Variants in HIVEP3 observed in about 807,000 individuals in gnomAD.
HIVEP3 encodes transcription factor HIVEP3.
A neutral mutation model predicts 152.8 loss-of-function variants in HIVEP3; 49 were observed. The ratio of observed to expected loss-of-function variants is 0.32; its 90% CI spans 0.26 to 0.41. The LOEUF is 0.41. Among genes scored for constraint, HIVEP3 ranks in the 10% least tolerant of loss-of-function variants. The pLI is 1.00. For synonymous variants in HIVEP3, 1,269 were observed against 1,289.0 expected (o/e 0.98, Z 0.33); for missense variants, 2,790 against 3,103.3 (o/e 0.90, Z 2.40).
At chr1:41,708,239 C>T (rs749023578) in intron 1 of HIVEP3, among the ~76,000 whole-genome samples, 9 of 152,200 alleles carry the variant, frequency 5.9e-5, no homozygotes, top group African/African-American at 1.2e-4. Flanking sequence ...ACATCGTTTA[C>T]CTCCACATGG....
chr1:41,924,848 T>C (rs1219593394), intron 1 of HIVEP3, among the ~76,000 whole-genome samples: 1 of 152,240 alleles, frequency 6.6e-6, no homozygotes, highest in Non-Finnish European at 1.5e-5. Context: ...ACCACCTGAA[T>C]GTCCTTCAAA....
intron 1 of HIVEP3, among the ~76,000 whole-genome samples, chr1:42,002,848 C>T (rs1223205839): frequency 6.6e-6 from 1 of 152,082 alleles, no homozygotes; most frequent in Non-Finnish European, 1.5e-5. Context: ...GTCCCCTTTC[C>T]ACTGGGGGAA....
rs1406131584 is a variant in HIVEP3 at position 41,911,003 on chromosome 1, TGATAA to T, written c.-801+7405_-801+7409del. ...AAATGTTCAATGATAAAGGAAAGATTGATAAATTTTATTACATTGAAATTAAGAAT... is the reference window on the plus strand; with the variant it reads ...AAATGTTCAATGATAAAGGAAAGATTATTTTATTACATTGAAATTAAGAAT... On this transcript the variant is annotated intron_variant, in intron 1 of 8. Coordinates refer to ENST00000372583, the MANE Select transcript of HIVEP3 (RefSeq NM_024503.5). Among the ~76,000 whole-genome samples the T allele has an allele frequency of 3.3e-5, 5 of 152,174 alleles. No homozygotes were observed. The East Asian group carries it at 9.6e-4, about 29-fold the overall frequency.
chr1:41,842,717 C>G (rs1216313644), intron 1 of HIVEP3, among the ~76,000 whole-genome samples: 3 of 152,222 alleles, frequency 2.0e-5, no homozygotes, highest in Non-Finnish European at 4.4e-5. Context: ...AGCATTCTTT[C>G]TCATCCCTCG....
At chr1:41,913,573 T>C (rs1454859625) in intron 1 of HIVEP3, among the ~76,000 whole-genome samples, 1 of 151,966 alleles carries the variant, frequency 6.6e-6, no homozygotes, top group Non-Finnish European at 1.5e-5. Flanking sequence ...TTTATTTTTA[T>C]TTTTTTTAAG....
In HIVEP3 at chr1:41,628,873, C is replaced by T. The variant is rs1408732998; in HGVS notation, c.-646G>A. ...GGCGCCGCTCTTCCCACCAGAGGGGCGGGCTTGCTTGGCCAGGACCCCGCG... is the reference window on the plus strand; with the variant it reads ...GGCGCCGCTCTTCCCACCAGAGGGGTGGGCTTGCTTGGCCAGGACCCCGCG... On this transcript the variant is annotated 5_prime_UTR_variant, in exon 3 of 9. Transcript: ENST00000372583. 18 of 1,231,914 alleles carry T rather than the reference C, an allele frequency of 1.5e-5. No homozygotes were observed. Among genetic ancestry groups the T allele is most frequent in the Non-Finnish European group, 1.8e-5 (18 of 987,948 alleles). 76.3% of individuals were successfully genotyped at this position (1,231,914 alleles called of 1,614,324 possible). A position where few individuals can be genotyped will look rare whatever the true frequency, so the allele number is the denominator to read the frequency against.
intron 1 of HIVEP3, among the ~76,000 whole-genome samples, chr1:41,914,893 T>C (rs1211126923): frequency 3.9e-5 from 6 of 152,232 alleles, no homozygotes; most frequent in Non-Finnish European, 1.5e-5. Flanking sequence ...TTCCTGATCA[T>C]AACAAGACAG....
At chr1:41,683,406 G>T (rs1646069441) in intron 2 of HIVEP3, among the ~76,000 whole-genome samples, 1 of 152,190 alleles carries the variant, frequency 6.6e-6, no homozygotes, top group Admixed American at 6.5e-5. Context: ...CCACTGATGG[G>T]AACTCCTCTT....
chr1:41,562,632 TCC>T (rs762828795), intron 5 of HIVEP3, among the ~76,000 whole-genome samples: 23,576 of 116,984 alleles, frequency 0.2, 2,421 homozygotes, highest in Non-Finnish European at 0.26. Flanking sequence ...TCTCTCTCTC[TCC>T]CTCTCTCTCT....
intron 1 of HIVEP3, among the ~76,000 whole-genome samples, chr1:41,910,646 C>T (rs1225944756): frequency 2.0e-5 from 3 of 151,750 alleles, no homozygotes; most frequent in African/African-American, 7.3e-5. Flanking sequence ...AAGAAATGAA[C>T]CCATTACAAC....
At chr1:41,552,042 C>T (rs1051269937) in intron 5 of HIVEP3, among the ~76,000 whole-genome samples, 8 of 152,214 alleles carry the variant, frequency 5.3e-5, no homozygotes, top group Non-Finnish European at 5.9e-5. Context: ...TCCCTCTACA[C>T]ACTGCTTTAA....
intron 1 of HIVEP3, among the ~76,000 whole-genome samples, chr1:41,774,944 T>C (rs1311736855): frequency 1.3e-5 from 2 of 152,008 alleles, no homozygotes; most frequent in African/African-American, 4.8e-5. Flanking sequence ...TACAGGCATG[T>C]GCCACCACAA....
At chr1:41,593,631 G>A (rs1057501108) in intron 3 of HIVEP3, among the ~76,000 whole-genome samples, 7 of 152,214 alleles carry the variant, frequency 4.6e-5, no homozygotes, top group South Asian at 2.1e-4. Flanking sequence ...CGCCAATGGC[G>A]GGTGAGCACT....
chr1:41,568,251 G>A (rs997192701), intron 5 of HIVEP3, among the ~76,000 whole-genome samples: 2 of 152,224 alleles, frequency 1.3e-5, no homozygotes, highest in African/African-American at 4.8e-5. Context: ...CAAATTCATC[G>A]TGGGTAGTGT....
rs200791077 is a variant in HIVEP3 at position 41,510,665 on chromosome 1, C to T, written c.7007G>A (p.Arg2336His). 157 of 1,526,344 alleles carry T rather than the reference C, an allele frequency of 1.0e-4. No individual in the cohort carries two copies. The East Asian group carries it at 1.9e-3, about 19-fold the overall frequency. 94.6% of individuals were successfully genotyped at this position (1,526,344 alleles called of 1,614,324 possible). ...QSWSPRLESP[R>H]APTNPEPSAT... ...AGAAGGCTCGGGGTTGGTCGGTGCA[C>T]GCGGGGACTCCAAGCGGGGGCTCCA... The change falls in exon 9 of 9, where the codon CGT becomes CAT. Residue 2336 changes from arginine to histidine, a missense_variant. Around this residue, in one of 9 missense-constraint regions of HIVEP3, gnomAD observed 816 missense variants for 806.5 expected, o/e 1.01. Coordinates refer to ENST00000372583, the MANE Select transcript of HIVEP3 (RefSeq NM_024503.5).
intron 5 of HIVEP3, among the ~76,000 whole-genome samples, chr1:41,552,717 C>A (rs1643909568): frequency 6.6e-6 from 1 of 151,858 alleles, no homozygotes; most frequent in African/African-American, 2.4e-5. Context: ...ATTTATAGTC[C>A]TTTGGGTATA....
At chr1:41,939,769 T>C (rs1557531089) in intron 1 of HIVEP3, among the ~76,000 whole-genome samples, 1 of 152,188 alleles carries the variant, frequency 6.6e-6, no homozygotes, top group Non-Finnish European at 1.5e-5. Context: ...GATAACTAAA[T>C]CCAATCTTCT....
chr1:41,943,987 A>G (rs1645061149), intron 1 of HIVEP3, among the ~76,000 whole-genome samples: 1 of 152,238 alleles, frequency 6.6e-6, no homozygotes. Flanking sequence ...TGAACCTTAA[A>G]GACAGTGTGC....
At chr1:41,935,697 C>G (rs955180977) in intron 1 of HIVEP3, among the ~76,000 whole-genome samples, 2 of 148,834 alleles carry the variant, frequency 1.3e-5, no homozygotes, top group African/African-American at 4.9e-5. Context: ...CCTGTATTAT[C>G]TAGCAATTTA....
Sources: gnomAD v4.1 joint callset for allele counts (sites outside exome capture counted in the v4.1 genomes callset) on GRCh38, gnomAD v4.1.1 for gene constraint, gnomAD v4.1.1 regional missense constraint, MANE v1.5 for transcripts, NCBI Gene and HGNC (gene_info 2026-07-23, HGNC 2026-07-21) for gene names.